Variants in KIF6 observed in about 807,000 individuals in gnomAD.
KIF6 encodes the protein kinesin-like protein KIF6.
Under a neutral mutation model 112.7 loss-of-function variants are expected in KIF6, and 106 were observed. The observed-to-expected ratio is 0.94, with a 90% CI of 0.80 to 1.11. The LOEUF (loss-of-function observed/expected upper bound fraction) is 1.11, where lower values mean the gene tolerates loss of function less well. Among genes scored for constraint, KIF6 ranks in the 50% least tolerant of loss-of-function variants. KIF6 has a pLI of 0.00. For synonymous variants in KIF6, 339 were observed against 339.9 expected (o/e 1.00, Z 0.03); for missense variants, 929 against 964.0 (o/e 0.96, Z 0.48).
At chr6:39,371,053 C>T (rs1765940166) in intron 16 of KIF6, among the ~76,000 whole-genome samples, 1 of 152,124 alleles carries the variant, frequency 6.6e-6, no homozygotes, top group Non-Finnish European at 1.5e-5. Flanking sequence ...GAAAAAAGCC[C>T]TGATTTTCAG....
At chr6:39,605,782 T>C (rs557430397) in intron 6 of KIF6, among the ~76,000 whole-genome samples, 34 of 152,246 alleles carry the variant, frequency 2.2e-4, no homozygotes, top group African/African-American at 7.5e-4. Flanking sequence ...TTTTCACTTA[T>C]AGTTGACTTG....
chr6:39,538,011 T>C (rs553705875), intron 13 of KIF6, among the ~76,000 whole-genome samples: 3 of 152,320 alleles, frequency 2.0e-5, no homozygotes, highest in South Asian at 2.1e-4. Flanking sequence ...ACTGGCTAGC[T>C]ATATGTAGAA....
chr6:39,603,816 T>G (rs1782719089), intron 6 of KIF6, among the ~76,000 whole-genome samples: 1 of 152,136 alleles, frequency 6.6e-6, no homozygotes, highest in Non-Finnish European at 1.5e-5. Context: ...TATTAAAAAT[T>G]TTCTAGGGTA....
At chr6:39,367,914 C>T (rs1765691743) in intron 16 of KIF6, among the ~76,000 whole-genome samples, 1 of 152,184 alleles carries the variant, frequency 6.6e-6, no homozygotes, top group Non-Finnish European at 1.5e-5. Context: ...CTGGGCCCTA[C>T]TCCAGACCTA....
chr6:39,698,878 A>C (rs1788706858), intron 3 of KIF6, among the ~76,000 whole-genome samples: 1 of 152,252 alleles, frequency 6.6e-6, no homozygotes, highest in South Asian at 2.1e-4. Flanking sequence ...TCATTAATTA[A>C]AATCAATGGA....
intron 20 of KIF6, among the ~76,000 whole-genome samples, chr6:39,346,083 TCTCCCCCCC>T (rs1763723234): frequency 4.0e-5 from 1 of 24,826 alleles, no homozygotes; most frequent in Non-Finnish European, 8.1e-5. Flanking sequence ...TCTCTCTCTC[TCTCCCCCCC>T]CTCTCCCTCC....
intron 13 of KIF6, among the ~76,000 whole-genome samples, chr6:39,483,075 A>G (rs187726077): frequency 1.3e-5 from 2 of 152,318 alleles, no homozygotes; most frequent in Admixed American, 1.3e-4. Context: ...TCATTTCAGT[A>G]AAGAGTTTTT....
At chr6:39,364,802 T>C (rs924159950) in intron 16 of KIF6, among the ~76,000 whole-genome samples, 10 of 152,216 alleles carry the variant, frequency 6.6e-5, no homozygotes, top group Admixed American at 4.6e-4. Context: ...CAAGGTTACA[T>C]AGCTACTAAA....
At chr6:39,509,214 C>T (rs1776622606) in intron 13 of KIF6, among the ~76,000 whole-genome samples, 2 of 152,142 alleles carry the variant, frequency 1.3e-5, no homozygotes, top group Admixed American at 1.3e-4. Context: ...ACCCCAAAAC[C>T]CCATCCGTAG....
At chr6:39,467,132 A>C (rs1773840522) in intron 13 of KIF6, among the ~76,000 whole-genome samples, 2 of 152,220 alleles carry the variant, frequency 1.3e-5, no homozygotes, top group South Asian at 4.1e-4. Context: ...TCAAGCCTGA[A>C]GGTGCTGTAG....
At chr6:39,431,918 C>G (rs779310178) in intron 13 of KIF6, among the ~76,000 whole-genome samples, 1 of 151,962 alleles carries the variant, frequency 6.6e-6, no homozygotes, top group Non-Finnish European at 1.5e-5. Context: ...TCAGTGAGAG[C>G]TGAATTCACC....
chr6:39,608,692 G>C (rs754072431), intron 6 of KIF6, among the ~76,000 whole-genome samples: 1 of 152,258 alleles, frequency 6.6e-6, no homozygotes, highest in Non-Finnish European at 1.5e-5. Context: ...TCTTTCAAAA[G>C]ATTTGAAGTA....
intron 19 of KIF6, among the ~76,000 whole-genome samples, chr6:39,355,302 T>G (rs925170564): frequency 2.6e-5 from 4 of 152,146 alleles, no homozygotes; most frequent in African/African-American, 9.7e-5. Flanking sequence ...AACATTTTTT[T>G]TCTTTAAGTA....
chr6:39,558,028 C>G (rs1779813205), intron 10 of KIF6, among the ~76,000 whole-genome samples: 1 of 151,552 alleles, frequency 6.6e-6, no homozygotes, highest in Non-Finnish European at 1.5e-5. Flanking sequence ...ACAACTCTCA[C>G]AACTCTCAGA....
intron 4 of KIF6, among the ~76,000 whole-genome samples, chr6:39,637,020 T>G (rs1190281601): frequency 6.6e-6 from 1 of 152,100 alleles, no homozygotes; most frequent in Admixed American, 6.6e-5. Flanking sequence ...AACTAATCAT[T>G]GTTGCTGCTG....
At chr6:39,716,283 A>AAACT in intron 2 of KIF6, among the ~76,000 whole-genome samples, 1 of 9,710 alleles carries the variant, frequency 1.0e-4, no homozygotes, top group Non-Finnish European at 3.5e-4. Flanking sequence ...GATTTAAATT[A>AAACT]AAAATATCTA....
At chr6:39,340,287 G>C (rs897794856) in intron 22 of KIF6, among the ~76,000 whole-genome samples, 1 of 152,202 alleles carries the variant, frequency 6.6e-6, no homozygotes, top group African/African-American at 2.4e-5. Flanking sequence ...TTACTTCCAG[G>C]CTGCTGTTTA....
At position 39,343,220 on chromosome 6, in the gene KIF6, C is replaced by T; in HGVS notation, c.2428+489G>A. ...CCTGTTGTCTGACACGCCACTCTTA[C>T]TTCCTCTGTGATTGTTATGGTGTCC... On this transcript the variant is annotated intron_variant, in intron 22 of 22. Transcript: ENST00000287152. The surrounding 1 kb of genome is among the most constrained non-coding windows in gnomAD (Gnocchi z 4.1). 1 of 1,230,882 alleles carries T rather than the reference C, an allele frequency of 8.1e-7. No individual in the cohort carries two copies. Among genetic ancestry groups the T allele is most frequent in the Non-Finnish European group, 1.0e-6 (1 of 962,774 alleles). The allele number at this position is 1,230,882 out of a possible 1,614,324, so 76.2% of individuals were successfully genotyped here. A position where few individuals can be genotyped will look rare whatever the true frequency, so the allele number is the denominator to read the frequency against.
intron 13 of KIF6, among the ~76,000 whole-genome samples, chr6:39,492,393 G>A (rs1775527634): frequency 6.6e-6 from 1 of 152,220 alleles, no homozygotes. Flanking sequence ...GGTATAAAGT[G>A]TAACGAAGTC....
Sources: gnomAD v4.1 joint callset for allele counts (sites outside exome capture counted in the v4.1 genomes callset) on GRCh38, gnomAD v4.1.1 for gene constraint, Gnocchi (gnomAD v3.1) non-coding constraint, MANE v1.5 for transcripts, NCBI Gene and HGNC (gene_info 2026-07-23, HGNC 2026-07-21) for gene names.